CSTA: variants seen among roughly 807,000 people sequenced by gnomAD.
CSTA encodes cystatin-A.
Under a neutral mutation model 9.2 loss-of-function variants are expected in CSTA, and 9 were observed. The ratio of observed to expected loss-of-function variants is 0.97; its 90% CI spans 0.59 to 1.70. The LOEUF (loss-of-function observed/expected upper bound fraction) is 1.70. Among genes scored for constraint, CSTA ranks in the 40% most tolerant of loss-of-function variants. The pLI is 0.00. For synonymous variants in CSTA, 36 were observed against 40.6 expected, an observed-to-expected ratio of 0.89 and a Z score of 0.43; for missense variants, 118 against 113.1, an observed-to-expected ratio of 1.04 and a Z score of -0.20.
chr3:122,339,766 G>A (rs531617978), intron 2 of CSTA, among the ~76,000 whole-genome samples: 1 of 152,288 alleles, frequency 6.6e-6, no homozygotes, highest in Admixed American at 6.5e-5. Flanking sequence ...GAGGTAGGAG[G>A]ATCACTTGAG....
intron 2 of CSTA, 62 bp downstream of exon 2, chr3:122,337,710 C>T: frequency 9.6e-7 from 1 of 1,044,520 alleles, no homozygotes; most frequent in South Asian, 1.3e-5. Flanking sequence ...GTAAAATATT[C>T]CCTGATTTCC....
intron 1 of CSTA, among the ~76,000 whole-genome samples, chr3:122,329,312 G>A (rs1298961843): frequency 2.6e-5 from 4 of 152,028 alleles, no homozygotes; most frequent in Admixed American, 2.0e-4. Context: ...GGTGGCTCTC[G>A]GCTGTAATCC....
intron 1 of CSTA, among the ~76,000 whole-genome samples, chr3:122,333,579 GAAA>G (rs2075218179): frequency 8.3e-6 from 1 of 120,418 alleles, no homozygotes; most frequent in Non-Finnish European, 1.7e-5. Flanking sequence ...AAGAAAGAAA[GAAA>G]GAAAGAAAGA....
chr3:122,333,540 G>GAAGAAAGAAGGAAAGAAAGAAAGA (rs2075216490), intron 1 of CSTA, among the ~76,000 whole-genome samples: 1 of 112,078 alleles, frequency 8.9e-6, no homozygotes, highest in Non-Finnish European at 1.8e-5. Context: ...AGAAAAGAAA[G>GAAGAAAGAAGGAAAGAAAGAAAGA]AAGAAAGAAA....
At chr3:122,327,438 A>C (rs1203474009) in intron 1 of CSTA, among the ~76,000 whole-genome samples, 1 of 148,750 alleles carries the variant, frequency 6.7e-6, no homozygotes, top group Admixed American at 6.8e-5. Flanking sequence ...CTGAGGCAGG[A>C]GAATGGCGTG....
Position 122,328,499 on chromosome 3 carries a change from CAAAAAA to C in CSTA, c.66+3156_66+3161del, listed in dbSNP as rs34247215. Among the ~76,000 whole-genome samples the C allele has an allele frequency of 1.9e-4, 16 of 86,042 alleles. No homozygotes were observed. In the East Asian group the frequency reaches 3.7e-3, roughly 20 times the overall value. 56.4% of individuals were successfully genotyped at this position (86,042 alleles called of 152,430 possible). On this transcript the variant is annotated intron_variant, in intron 1 of 2. Coordinates refer to ENST00000264474, the MANE Select transcript of CSTA (RefSeq NM_005213.4). The stretch of plus-strand genomic sequence containing the variant: ...TGGGCCACAGAACAAGATTCCATCT[CAAAAAA>C]AAAAAAAAAAAAAAGAGTCACCTAG...
At chr3:122,334,497 C>CA (rs1032543420) in intron 1 of CSTA, among the ~76,000 whole-genome samples, 5 of 151,474 alleles carry the variant, frequency 3.3e-5, no homozygotes, top group South Asian at 2.1e-4. Context: ...AAACAAAAAA[C>CA]AAAAAAAACC....
At position 122,337,576 on chromosome 3, in the gene CSTA, T is replaced by C; in HGVS notation, c.96T>C (p.Asn32=). The C allele has an allele frequency of 1.9e-6, 3 of 1,612,922 alleles. No homozygotes were observed. The highest frequency in any genetic ancestry group is 2.5e-6 in the Non-Finnish European group (3 of 1,178,968). ...AACCACAGCTTGAAGAAAAAACAAA[T>C]GAGACTTACGGAAAATTGGAAGCTG... ...KVKPQLEEKT[N]ETYGKLEAVQ... Residue 32 remains asparagine, a synonymous_variant, in exon 2 of 3, where the codon AAT becomes AAC. Coordinates refer to ENST00000264474, the MANE Select transcript of CSTA (RefSeq NM_005213.4).
At chr3:122,336,811 G>A (rs950462621) in intron 1 of CSTA, among the ~76,000 whole-genome samples, 2 of 152,162 alleles carry the variant, frequency 1.3e-5, no homozygotes, top group Non-Finnish European at 2.9e-5. Context: ...ACAACATCAC[G>A]TTTGTGCTAT....
chr3:122,328,359 G>A (rs866286540), intron 1 of CSTA, among the ~76,000 whole-genome samples: 4 of 151,538 alleles, frequency 2.6e-5, no homozygotes, highest in East Asian at 2.0e-4. Flanking sequence ...AAATTAGCCC[G>A]GCGTGGTGGC....
At chr3:122,332,960 C>G (rs903947957) in intron 1 of CSTA, among the ~76,000 whole-genome samples, 1 of 152,150 alleles carries the variant, frequency 6.6e-6, no homozygotes, top group Non-Finnish European at 1.5e-5. Context: ...CTCCTCAGCT[C>G]AAATCTCATC....
intron 1 of CSTA, among the ~76,000 whole-genome samples, chr3:122,333,792 A>T (rs1457314188): frequency 1.3e-5 from 2 of 152,242 alleles, no homozygotes; most frequent in Non-Finnish European, 2.9e-5. Flanking sequence ...TTAAAAAGAA[A>T]CATGACTGAA....
At chr3:122,331,323 A>C (rs1329201156) in intron 1 of CSTA, among the ~76,000 whole-genome samples, 1 of 152,064 alleles carries the variant, frequency 6.6e-6, no homozygotes, top group Non-Finnish European at 1.5e-5. Context: ...CTCTCTGACC[A>C]CAGCCTCCTT....
intron 1 of CSTA, among the ~76,000 whole-genome samples, chr3:122,327,785 C>T (rs995660733): frequency 1.3e-5 from 2 of 151,968 alleles, no homozygotes; most frequent in Non-Finnish European, 2.9e-5. Context: ...AGGAACAGAG[C>T]TGTAGGAACA....
chr3:122,329,064 C>G (rs543222874), intron 1 of CSTA, among the ~76,000 whole-genome samples: 106 of 151,524 alleles, frequency 7.0e-4, no homozygotes, highest in Middle Eastern at 6.9e-3. Flanking sequence ...CTCCCGGGTT[C>G]ACGCCATTCT....
intron 1 of CSTA, among the ~76,000 whole-genome samples, chr3:122,334,037 G>A (rs1399791335): frequency 6.6e-6 from 1 of 152,108 alleles, no homozygotes; most frequent in Non-Finnish European, 1.5e-5. Flanking sequence ...TTGGAATTTT[G>A]AAAGGCTTTG....
intron 2 of CSTA, among the ~76,000 whole-genome samples, chr3:122,341,044 T>C (rs896760649): frequency 2.6e-5 from 4 of 151,824 alleles, no homozygotes; most frequent in Non-Finnish European, 5.9e-5. Flanking sequence ...TGGGTTCAAG[T>C]GATTCTCCTG....
At chr3:122,337,181 A>G (rs2075241233) in intron 1 of CSTA, among the ~76,000 whole-genome samples, 1 of 152,248 alleles carries the variant, frequency 6.6e-6, no homozygotes, top group Non-Finnish European at 1.5e-5. Flanking sequence ...TCATTATACT[A>G]ATTTTACAAC....
rs771089341 is a variant in CSTA, at chr3:122,341,539, A to G, written c.269A>G (p.Asn90Ser). 3 of 1,614,168 alleles carry G rather than the reference A, an allele frequency of 1.9e-6. No individual in the cohort carries two copies. The African/African-American group carries it at 4.0e-5, about 22-fold the overall frequency. ...CTTACTGGATACCAGGTTGACAAAA[A>G]CAAGGATGACGAGCTGACGGGCTTT... ...LVLTGYQVDK[N>S]KDDELTGF Residue 90 changes from asparagine (N) to serine (S), a missense_variant, in exon 3 of 3, where the codon AAC (asparagine) becomes AGC (serine). Coordinates refer to ENST00000264474, the MANE Select transcript of CSTA (RefSeq NM_005213.4).
Sources: allele counts gnomAD v4.1 joint callset (sites outside exome capture counted in the v4.1 genomes callset), GRCh38; gene constraint gnomAD v4.1.1; transcripts MANE v1.5; gene names NCBI Gene and HGNC (gene_info 2026-07-23, HGNC 2026-07-21).